CFAP69: variants seen among roughly 807,000 people sequenced by gnomAD.
The protein encoded by CFAP69 is cilia and flagella associated protein 69, also known as cilia- and flagella-associated protein 69.
CFAP69 carries 92 observed loss-of-function variants against 123.0 expected under a neutral mutation model. The observed-to-expected ratio is 0.75, with a 90% CI of 0.63 to 0.89. CFAP69 has a LOEUF of 0.89. Ranked by LOEUF, CFAP69 falls within the 40% of genes least tolerant of loss-of-function variation. CFAP69 has a pLI of 0.00. For synonymous variants in CFAP69, 380 were observed against 364.3 expected, an observed-to-expected ratio of 1.04 and a Z score of -0.49; for missense variants, 1,067 against 1,096.9, an observed-to-expected ratio of 0.97 and a Z score of 0.39.
chr7:90,306,093 C>T (rs769878435), intron 19 of CFAP69, among the ~76,000 whole-genome samples: 56 of 133,314 alleles, frequency 4.2e-4, no homozygotes, highest in Non-Finnish European at 7.4e-4. Flanking sequence ...CAAGTGTGTA[C>T]CCCCATACCC....
In CFAP69 at chr7:90,286,304, A is replaced by G; in HGVS notation, c.1561A>G (p.Lys521Glu). 6.2e-7 allele frequency: 1 copy of G among 1,603,146 alleles called. No individual in the cohort carries two copies. Among genetic ancestry groups the G allele is most frequent in the Non-Finnish European group, 8.5e-7 (1 of 1,172,152 alleles). The change falls in exon 14 of 23, where the codon AAG becomes GAG. Residue 521 changes from lysine (K) to glutamate (E), a missense_variant. By Grantham distance (56) the Lys-to-Glu change is moderately conservative. Coordinates refer to ENST00000389297, the MANE Select transcript of CFAP69 (RefSeq NM_001039706.3). Reference protein sequence around the residue: ...MIGIFKNIISKPNEKEEAIVL... With the variant: ...MIGIFKNIISEPNEKEEAIVL... ...AGGAATCTTTAAAAATATAATAAGCAAGCCTAATGAAAAGGAAGAAGCCAT... is the reference window on the plus strand; with the variant it reads ...AGGAATCTTTAAAAATATAATAAGCGAGCCTAATGAAAAGGAAGAAGCCAT...
At position 90,264,105 on chromosome 7, in the gene CFAP69, ATATATATATATATATATATAT is replaced by A. The variant is rs1357500082; in HGVS notation, c.357-1195_357-1175del. ...GACTCCATCTCGAAAAAAAAAAAAA[ATATATATATATATATATATAT>A]ATATATATATATATATATATATATG... On this transcript the variant is annotated intron_variant, in intron 4 of 22. Transcript: ENST00000389297. Among the ~76,000 whole-genome samples, 453 of 71,406 alleles carry A rather than the reference ATATATATATATATATATATAT, an allele frequency of 6.3e-3. 68 individuals are homozygous for A. Among genetic ancestry groups the A allele is most frequent in the African/African-American group, 0.023 (402 of 17,140 alleles). The allele number at this position is 71,406 out of a possible 152,430, so 46.8% of individuals were successfully genotyped here.
At chr7:90,299,028 G>C (rs1260442360) in intron 16 of CFAP69, among the ~76,000 whole-genome samples, 1 of 152,162 alleles carries the variant, frequency 6.6e-6, no homozygotes, top group East Asian at 1.9e-4. Flanking sequence ...GTTAATGAGA[G>C]CTGACTATGT....
At chr7:90,292,427 T>C (rs1791336668) in intron 15 of CFAP69, among the ~76,000 whole-genome samples, 2 of 152,178 alleles carry the variant, frequency 1.3e-5, no homozygotes, top group African/African-American at 4.8e-5. Context: ...GCTTTACACA[T>C]CAAGTCTGAT....
intron 2 of CFAP69, among the ~76,000 whole-genome samples, chr7:90,256,233 A>G (rs929239850): frequency 3.9e-5 from 6 of 152,342 alleles, no homozygotes; most frequent in African/African-American, 7.2e-5. Flanking sequence ...TTCCAGGGAC[A>G]TGGATGAAGC....
In CFAP69 at chr7:90,271,890, T is replaced by G; in HGVS notation, c.792T>G (p.Leu264=). 1 of 1,612,724 alleles carries G rather than the reference T, an allele frequency of 6.2e-7. No individual in the cohort carries two copies. The highest frequency in any genetic ancestry group is 8.5e-7 in the Non-Finnish European group (1 of 1,179,222). The change falls in exon 8 of 23, where the codon CTT becomes CTG. Residue 264 remains leucine (L), a synonymous_variant. Transcript: ENST00000389297. ...TTTTATTTCGTTCATCAGAAATACTTTGGAACTTGCTGGAAAAATCTTCAA... is the reference window on the plus strand; with the variant it reads ...TTTTATTTCGTTCATCAGAAATACTGTGGAACTTGCTGGAAAAATCTTCAA... ...GQLLFRSSEI[L]WNLLEKSSKE...
Position 90,283,008 on chromosome 7 carries a change from A to G in CFAP69, c.1489A>G (p.Thr497Ala), listed in dbSNP as rs1330311513. 6.3e-7 allele frequency: 1 copy of G among 1,587,532 alleles called. No homozygotes were observed. The highest frequency in any genetic ancestry group is 2.3e-5 in the East Asian group (1 of 43,070). ...LRAVVYLEDE[T>A]VNKDLCEKGT... ...AGCCGTGGTCTACCTTGAAGATGAGACTGTAAACAAAGATCTTTGTGAAAA... is the reference window on the plus strand; with the variant it reads ...AGCCGTGGTCTACCTTGAAGATGAGGCTGTAAACAAAGATCTTTGTGAAAA... The change falls in exon 13 of 23, where the codon ACT becomes GCT. Residue 497 changes from threonine (T) to alanine (A), a missense_variant. Coordinates refer to ENST00000389297, the MANE Select transcript of CFAP69 (RefSeq NM_001039706.3).
chr7:90,285,061 G>C (rs1790067084), intron 13 of CFAP69, among the ~76,000 whole-genome samples: 1 of 152,164 alleles, frequency 6.6e-6, no homozygotes, highest in Non-Finnish European at 1.5e-5. Flanking sequence ...ATGTGTTACA[G>C]GCAGCAGGGA....
intron 14 of CFAP69, among the ~76,000 whole-genome samples, chr7:90,287,201 T>TC (rs1485809970): frequency 6.6e-6 from 1 of 152,164 alleles, no homozygotes; most frequent in African/African-American, 2.4e-5. Flanking sequence ...AATGTGTTTA[T>TC]CTGTTCCCCT....
rs1391381159 is a variant in CFAP69 at position 90,245,219 on chromosome 7, C to T, written c.-206C>T. 5.5e-6 allele frequency: 3 copies of T among 545,140 alleles called. No homozygotes were observed. The highest frequency in any genetic ancestry group is 8.7e-6 in the Non-Finnish European group (3 of 343,810). The allele number at this position is 545,140 out of a possible 1,614,324, so 33.8% of individuals were successfully genotyped here. On this transcript the variant is annotated 5_prime_UTR_variant, in exon 1 of 23. Transcript: ENST00000389297. ...TAACAACCGGCCCGGGATCAGAGGTCTGGGTCAACTGGGGGGCGGCAGCGG... is the reference window on the plus strand; with the variant it reads ...TAACAACCGGCCCGGGATCAGAGGTTTGGGTCAACTGGGGGGCGGCAGCGG...
intron 6 of CFAP69, among the ~76,000 whole-genome samples, chr7:90,270,682 A>G (rs1799821294): frequency 6.6e-6 from 1 of 152,098 alleles, no homozygotes; most frequent in Admixed American, 6.5e-5. Flanking sequence ...AAGTTAAAGA[A>G]TCTAGTTGGA....
intron 4 of CFAP69, among the ~76,000 whole-genome samples, chr7:90,262,501 A>G (rs1408978484): frequency 2.6e-5 from 4 of 152,240 alleles, no homozygotes; most frequent in South Asian, 2.1e-4. Flanking sequence ...AAAATCACCA[A>G]TTACATTTGA....
intron 1 of CFAP69, among the ~76,000 whole-genome samples, chr7:90,250,187 G>GGGGAGAGAGAGAGA (rs1796800379): frequency 1.6e-5 from 2 of 125,728 alleles, no homozygotes; most frequent in Non-Finnish European, 3.4e-5. Flanking sequence ...TTTAAAGAGA[G>GGGGAGAGAGAGAGA]GAGAGAGAGA....
intron 6 of CFAP69, among the ~76,000 whole-genome samples, chr7:90,270,588 C>G (rs996577202): frequency 2.2e-4 from 33 of 152,156 alleles, no homozygotes; most frequent in Middle Eastern, 3.4e-3. Context: ...AAGCTCATCA[C>G]AGCATTGGAC....
chr7:90,292,522 C>A (rs767002215), intron 15 of CFAP69, among the ~76,000 whole-genome samples: 2 of 152,138 alleles, frequency 1.3e-5, no homozygotes, highest in Non-Finnish European at 2.9e-5. Flanking sequence ...AAAACAGATT[C>A]TTATTATACT....
downstream of CFAP69, chr7:90,312,879 G>A (rs769231750): frequency 1.3e-5 from 2 of 152,202 alleles, no homozygotes; most frequent in Non-Finnish European, 2.9e-5. Flanking sequence ...GAATAAAAGT[G>A]TGGAATTCAG....
the CFAP69 span, among the ~76,000 whole-genome samples, chr7:90,321,801 T>C: frequency 1.3e-5 from 2 of 152,180 alleles, no homozygotes; most frequent in Non-Finnish European, 1.5e-5. Context: ...AAATGTTTCC[T>C]TTATCCCTTC....
At chr7:90,319,792 A>G in the CFAP69 span, 6 of 398,234 alleles carry the variant, frequency 1.5e-5, no homozygotes, top group Admixed American at 8.8e-5. Flanking sequence ...ATTTAACTTA[A>G]AAAAGTTATT....
intron 8 of CFAP69, among the ~76,000 whole-genome samples, chr7:90,272,385 A>G (rs1011501133): frequency 2.6e-5 from 4 of 152,194 alleles, no homozygotes; most frequent in Non-Finnish European, 5.9e-5. Context: ...GTATTAAGCC[A>G]TAGAAATACC....
Sources: allele counts gnomAD v4.1 joint callset (sites outside exome capture counted in the v4.1 genomes callset), GRCh38; gene constraint gnomAD v4.1.1; transcripts MANE v1.5; gene names NCBI Gene and HGNC (gene_info 2026-07-23, HGNC 2026-07-21).